SLC6A4: variants seen among roughly 807,000 people sequenced by gnomAD.
The protein encoded by SLC6A4 is sodium-dependent serotonin transporter.
A neutral mutation model predicts 73.4 loss-of-function variants in SLC6A4; 22 were observed. That is an observed-to-expected ratio of 0.30 (90% CI 0.21 to 0.43). The LOEUF (loss-of-function observed/expected upper bound fraction) is 0.43, where lower values mean the gene tolerates loss of function less well. Among genes scored for constraint, SLC6A4 ranks in the 20% least tolerant of loss-of-function variants. The pLI, the probability that SLC6A4 is intolerant of heterozygous loss-of-function variation, is 1.00. For synonymous variants in SLC6A4, 270 were observed against 315.5 expected (o/e 0.86, Z 1.53); for missense variants, 593 against 808.5 (o/e 0.73, Z 3.23).
At chr17:30,202,507 G>A (rs1279002086) in intron 14 of SLC6A4, among the ~76,000 whole-genome samples, 1 of 152,116 alleles carries the variant, frequency 6.6e-6, no homozygotes, top group Non-Finnish European at 1.5e-5. Flanking sequence ...TACCTCCCAA[G>A]GTACTTTGAT....
chr17:30,227,724 G>C (rs1033822388), intron 1 of SLC6A4, among the ~76,000 whole-genome samples: 8 of 152,132 alleles, frequency 5.3e-5, no homozygotes, highest in Non-Finnish European at 1.0e-4. Flanking sequence ...TGGCCTATGA[G>C]CAATCCTCCC....
Position 30,216,140 on chromosome 17 carries a change from G to A in SLC6A4, c.914C>T (p.Ala305Val), listed in dbSNP as rs1906564612. ...CAAGTAGAAGAGAACACCCCTCCAG[G>A]CTCCAGGGAGGGTGGCACCCCTCAC... The part of the protein sequence containing the change: ...LLVRGATLPG[A>V]WRGVLFYLKP... The change falls in exon 7 of 15, where the codon GCC becomes GTC. Residue 305 changes from alanine to valine, a missense_variant. Transcript: ENST00000650711. 6.2e-7 allele frequency: 1 copy of A among 1,613,312 alleles called. No individual in the cohort carries two copies. Among genetic ancestry groups the A allele is most frequent in the Non-Finnish European group, 8.5e-7 (1 of 1,179,556 alleles).
chr17:30,205,907 C>T (rs1906178700), intron 13 of SLC6A4: 1 of 152,144 alleles, frequency 6.6e-6, no homozygotes, highest in Non-Finnish European at 1.5e-5. Flanking sequence ...ACAAAAAGGG[C>T]TGTTTTCATG....
intron 14 of SLC6A4, among the ~76,000 whole-genome samples, chr17:30,199,600 T>A (rs2143013045): frequency 6.6e-6 from 1 of 152,298 alleles, no homozygotes; most frequent in East Asian, 1.9e-4. Context: ...GTCCTACAGT[T>A]AATGAAATGC....
At chr17:30,200,957 T>A (rs1198342566) in intron 14 of SLC6A4, among the ~76,000 whole-genome samples, 1 of 152,096 alleles carries the variant, frequency 6.6e-6, no homozygotes, top group Non-Finnish European at 1.5e-5. Flanking sequence ...AATTTTTGCA[T>A]TTTTAGTAGA....
At chr17:30,209,628 G>A (rs2143014141) in intron 11 of SLC6A4, among the ~76,000 whole-genome samples, 1 of 147,910 alleles carries the variant, frequency 6.8e-6, no homozygotes, top group South Asian at 2.2e-4. Flanking sequence ...CTGGGGGACA[G>A]AGCAAGACTC....
At chr17:30,226,596 A>C (rs936871143) in intron 1 of SLC6A4, among the ~76,000 whole-genome samples, 52 of 152,330 alleles carry the variant, frequency 3.4e-4, no homozygotes, top group African/African-American at 1.2e-3. Context: ...GCTACTTGTG[A>C]GGCTGAGGCA....
intron 1 of SLC6A4, among the ~76,000 whole-genome samples, chr17:30,225,184 T>G (rs921692745): frequency 6.6e-6 from 1 of 151,902 alleles, no homozygotes; most frequent in Non-Finnish European, 1.5e-5. Flanking sequence ...GAATCTGGGG[T>G]GCAAACACAA....
intron 14 of SLC6A4, among the ~76,000 whole-genome samples, chr17:30,200,260 C>T (rs1028964301): frequency 1.3e-5 from 2 of 152,230 alleles, no homozygotes; most frequent in Admixed American, 6.5e-5. Context: ...GTCTGTTTTC[C>T]GTGCTTTGCC....
chr17:30,198,541 G>A lies in SLC6A4; in HGVS notation c.1819-11C>T. The stretch of plus-strand genomic sequence containing the variant: ...ACTTTTAATAATACGCTATTGGGAA[G>A]AAAATACAATGTTATAAACATCCTT... On this transcript the variant is annotated splice_polypyrimidine_tract_variant and intron_variant, in intron 14 of 14. Coordinates refer to ENST00000650711, the MANE Select transcript of SLC6A4 (RefSeq NM_001045.6). The A allele has an allele frequency of 6.8e-7, 1 of 1,477,044 alleles. No individual in the cohort carries two copies. Among genetic ancestry groups the A allele is most frequent in the South Asian group, 1.1e-5 (1 of 86,990 alleles). 91.5% of individuals were successfully genotyped at this position (1,477,044 alleles called of 1,614,324 possible). A position where few individuals can be genotyped will look rare whatever the true frequency, so the allele number is the denominator to read the frequency against.
chr17:30,207,681 TGG>T, intron 13 of SLC6A4, 49 bp downstream of exon 13: 1 of 1,204,708 alleles, frequency 8.3e-7, no homozygotes, highest in Non-Finnish European at 1.2e-6. Context: ...TTTATGTGTC[TGG>T]GGGAAGTCTT....
chr17:30,226,821 A>G (rs1906938867), intron 1 of SLC6A4, among the ~76,000 whole-genome samples: 1 of 151,540 alleles, frequency 6.6e-6, no homozygotes, highest in Non-Finnish European at 1.5e-5. Context: ...GGCAGAGGTT[A>G]CAGTCAGCCA....
intron 2 of SLC6A4, 140 bp downstream of exon 2, chr17:30,222,679 A>G: frequency 1.5e-6 from 1 of 646,740 alleles, no homozygotes; most frequent in Non-Finnish European, 2.6e-6. Context: ...AGATTCTGTC[A>G]CTCGTCTTTT....
rs1407559702 is a variant in SLC6A4 at position 30,197,611 on chromosome 17, C to G, written c.*845G>C. 6.6e-6 allele frequency: 1 copy of G among 152,328 alleles called. No homozygotes were observed. The highest frequency in any genetic ancestry group is 1.5e-5 in the Non-Finnish European group (1 of 68,068). 9.4% of individuals were successfully genotyped at this position (152,328 alleles called of 1,614,324 possible). A position where few individuals can be genotyped will look rare whatever the true frequency, so the allele number is the denominator to read the frequency against. On this transcript the variant is annotated 3_prime_UTR_variant, in exon 15 of 15. Transcript: ENST00000650711. ...GGAACACTGTCCTGAATGTTTAGCACAGAGAGACAGGAAGGTGGCAATGAG... is the reference window on the plus strand; with the variant it reads ...GGAACACTGTCCTGAATGTTTAGCAGAGAGAGACAGGAAGGTGGCAATGAG...
Position 30,221,683 on chromosome 17 carries a change from C to A in SLC6A4, c.276G>T (p.Val92=). 1 of 1,614,172 alleles carries A rather than the reference C, an allele frequency of 6.2e-7. No individual in the cohort carries two copies. Among genetic ancestry groups the A allele is most frequent in the Non-Finnish European group, 8.5e-7 (1 of 1,180,012 alleles). Residue 92 remains valine, a synonymous_variant, in exon 3 of 15, where the codon GTG becomes GTT. Coordinates refer to ENST00000650711, the MANE Select transcript of SLC6A4 (RefSeq NM_001045.6). ...TGCCCAGGTCCACAGCATAGCCAAT[C>A]ACTGAGAGAAGGAAATCCACCTTCT... The part of the protein sequence containing the change: ...WGKKVDFLLS[V]IGYAVDLGNV...
intron 1 of SLC6A4, among the ~76,000 whole-genome samples, chr17:30,233,925 T>C (rs1338760197): frequency 6.6e-6 from 1 of 152,184 alleles, no homozygotes; most frequent in Non-Finnish European, 1.5e-5. Flanking sequence ...TGTCTGGAGT[T>C]ACCTGTGTTT....
intron 13 of SLC6A4, chr17:30,206,083 A>G (rs1906185291): frequency 1.3e-5 from 2 of 152,242 alleles, no homozygotes; most frequent in African/African-American, 4.8e-5. Flanking sequence ...TGCTGGGATT[A>G]CAGGTGTGAA....
chr17:30,232,605 G>A (rs1477917284), intron 1 of SLC6A4, among the ~76,000 whole-genome samples: 1 of 152,198 alleles, frequency 6.6e-6, no homozygotes, highest in Non-Finnish European at 1.5e-5. Flanking sequence ...GATGGAAGCT[G>A]GGGAGCTGCT....
At chr17:30,230,045 A>AAAGAAGAAGAAG (rs1189804200) in intron 1 of SLC6A4, among the ~76,000 whole-genome samples, 3,588 of 111,060 alleles carry the variant, frequency 0.032, 115 homozygotes, top group East Asian at 0.11. Context: ...GAAAAAGAAG[A>AAAGAAGAAGAAG]AAGAAGAAGA....
Sources: allele counts gnomAD v4.1 joint callset (sites outside exome capture counted in the v4.1 genomes callset), GRCh38; gene constraint gnomAD v4.1.1; transcripts MANE v1.5; gene names NCBI Gene and HGNC (gene_info 2026-07-23, HGNC 2026-07-21).